Variants in COL4A2 observed in about 807,000 individuals in gnomAD.
COL4A2 encodes collagen alpha-2(IV) chain.
In COL4A2, 99 loss-of-function variants were observed where a neutral mutation model predicts 200.2. The observed-to-expected ratio is 0.49, with a 90% confidence interval of 0.42 to 0.58. COL4A2 has a LOEUF of 0.58. Among genes scored for constraint, COL4A2 ranks in the 20% least tolerant of loss-of-function variants. The probability of loss-of-function intolerance (pLI) is 0.00; values close to 1 mark genes in which losing one functional copy is unlikely to be tolerated. For synonymous variants in COL4A2, 897 were observed against 900.6 expected (o/e 1.00, Z 0.07); for missense variants, 1,950 against 2,314.1 (o/e 0.84, Z 3.23).
intron 3 of COL4A2, among the ~76,000 whole-genome samples, chr13:110,343,546 A>G (rs1228533938): frequency 6.6e-6 from 1 of 152,226 alleles, no homozygotes; most frequent in African/African-American, 2.4e-5. Context: ...CCCAGAAGCC[A>G]GGCCAGCAGG....
chr13:110,461,183 A>C (rs1254811882), intron 22 of COL4A2, among the ~76,000 whole-genome samples: 4 of 152,220 alleles, frequency 2.6e-5, no homozygotes, highest in African/African-American at 4.8e-5. Flanking sequence ...CCTTAACCTC[A>C]GTGCAGGAAA....
rs749145790 is a variant in COL4A2 at position 110,489,773 on chromosome 13, A to G, written c.3334A>G (p.Thr1112Ala). Residue 1112 changes from threonine (T) to alanine (A), a missense_variant, in exon 36 of 48, where the codon ACT (threonine) becomes GCT (alanine). Transcript: ENST00000360467. Reference protein sequence around the residue: ...RPGLKGERGTTGIPGLKGFFG... With the variant: ...RPGLKGERGTAGIPGLKGFFG... Reference sequence around the variant, plus strand: ...AGGCCTGAAGGGGGAGCGGGGCACCACTGGAATACCAGGTACGCAAGTTAT... The same window carrying G: ...AGGCCTGAAGGGGGAGCGGGGCACCGCTGGAATACCAGGTACGCAAGTTAT... The G allele has an allele frequency of 1.2e-6, 2 of 1,610,844 alleles. No homozygotes were observed. Among genetic ancestry groups the G allele is most frequent in the Non-Finnish European group, 8.5e-7 (1 of 1,178,786 alleles).
chr13:110,416,611 G>A (rs1396629761), intron 4 of COL4A2, among the ~76,000 whole-genome samples: 1 of 152,238 alleles, frequency 6.6e-6, no homozygotes, highest in Non-Finnish European at 1.5e-5. Flanking sequence ...AGGAGCAGGG[G>A]TTTTCAGACA....
At chr13:110,351,158 C>T (rs1876938856) in intron 3 of COL4A2, among the ~76,000 whole-genome samples, 1 of 152,160 alleles carries the variant, frequency 6.6e-6, no homozygotes, top group African/African-American at 2.4e-5. Flanking sequence ...AAGCCATCTT[C>T]CCACCCCAGC....
At chr13:110,405,084 C>T (rs1275204759) in intron 4 of COL4A2, among the ~76,000 whole-genome samples, 1 of 152,150 alleles carries the variant, frequency 6.6e-6, no homozygotes, top group Non-Finnish European at 1.5e-5. Flanking sequence ...CACTGCGTTC[C>T]AGCCTGGGTG....
chr13:110,392,468 A>G (rs1391228549), intron 4 of COL4A2, among the ~76,000 whole-genome samples: 1 of 152,170 alleles, frequency 6.6e-6, no homozygotes, highest in Non-Finnish European at 1.5e-5. Flanking sequence ...CAGTGGGAGG[A>G]GAGACGGTCA....
intron 29 of COL4A2, among the ~76,000 whole-genome samples, chr13:110,475,435 C>A (rs1343000302): frequency 1.3e-5 from 2 of 152,226 alleles, no homozygotes; most frequent in African/African-American, 4.8e-5. Context: ...AGCTCTTTGA[C>A]ATAAGGGTAC....
At chr13:110,366,907 A>C (rs141784455) in intron 4 of COL4A2, among the ~76,000 whole-genome samples, 55 of 152,356 alleles carry the variant, frequency 3.6e-4, no homozygotes, top group African/African-American at 1.3e-3. Context: ...CATCTCACCC[A>C]AATGAGTTCA....
chr13:110,318,387 G>A (rs916025756), intron 3 of COL4A2, among the ~76,000 whole-genome samples: 6 of 152,110 alleles, frequency 3.9e-5, no homozygotes, highest in Non-Finnish European at 8.8e-5. Flanking sequence ...GATTATTCAT[G>A]GTAAGAAAGC....
chr13:110,444,084 T>C (rs926367328), intron 16 of COL4A2, among the ~76,000 whole-genome samples: 7 of 152,348 alleles, frequency 4.6e-5, no homozygotes, highest in African/African-American at 1.7e-4. Flanking sequence ...GCTTTGGCTC[T>C]TGGGGTTCCA....
At chr13:110,430,286 G>A in intron 8 of COL4A2, 115 bp from the exon 9 acceptor site, 1 of 1,303,098 alleles carries the variant, frequency 7.7e-7, no homozygotes, top group Non-Finnish European at 1.0e-6. Flanking sequence ...AACATTACTA[G>A]GTCCTGATAG....
intron 3 of COL4A2, among the ~76,000 whole-genome samples, chr13:110,354,273 G>C (rs1383649428): frequency 1.3e-5 from 2 of 152,322 alleles, no homozygotes; most frequent in Admixed American, 6.5e-5. Flanking sequence ...CCAAGCGCCT[G>C]TTCATGCCTC....
rs977446053 is a variant in COL4A2, at chr13:110,406,680, A to G, written c.181-18054A>G. ...ATACATTAGCCGAGACGCTTTTCCT[A>G]CTACACTGCCAGAAGTTAACTTCTA... On this transcript the variant is annotated intron_variant, in intron 4 of 47. Coordinates refer to ENST00000360467, the MANE Select transcript of COL4A2 (RefSeq NM_001846.4). Among the ~76,000 whole-genome samples, 27 of 151,310 alleles carry G rather than the reference A, an allele frequency of 1.8e-4. 1 individual carries two copies. Among genetic ancestry groups the G allele is most frequent in the African/African-American group, 6.6e-4 (27 of 41,206 alleles).
At position 110,436,325 on chromosome 13, in the gene COL4A2, C is replaced by A. The variant is rs369814411; in HGVS notation, c.783C>A (p.Ile261=). ...TTCCATCAGACACCCTCCACCCCAT[C>A]ATCGCGCCCACAGGAGTCACCTTCC... is the stretch of plus-strand genomic sequence containing the variant. The part of the protein sequence containing the change: ...NGIPSDTLHP[I]IAPTGVTFHP... Residue 261 remains isoleucine, a synonymous_variant, in exon 13 of 48, where the codon ATC becomes ATA. Coordinates refer to ENST00000360467, the MANE Select transcript of COL4A2 (RefSeq NM_001846.4). 5.7e-5 allele frequency: 92 copies of A among 1,613,956 alleles called. No homozygotes were observed. The highest frequency in any genetic ancestry group is 7.6e-5 in the Non-Finnish European group (90 of 1,180,036).
chr13:110,407,934 T>C (rs1213077845), intron 4 of COL4A2, among the ~76,000 whole-genome samples: 1 of 151,934 alleles, frequency 6.6e-6, no homozygotes, highest in East Asian at 1.9e-4. Context: ...TTGGAGGAAA[T>C]GAGGTAAGAA....
At chr13:110,467,159 T>G in intron 27 of COL4A2, 63 bp downstream of exon 27, 1 of 1,599,720 alleles carries the variant, frequency 6.3e-7, no homozygotes, top group Admixed American at 1.7e-5. Flanking sequence ...CACTGCTGTG[T>G]CTCCCCCGCC....
chr13:110,342,684 A>G (rs916814864), intron 3 of COL4A2, among the ~76,000 whole-genome samples: 2 of 152,160 alleles, frequency 1.3e-5, no homozygotes, highest in African/African-American at 4.8e-5. Flanking sequence ...AGCATTCCTC[A>G]CAAGACCGCC....
chr13:110,391,107 G>A (rs1250746793), intron 4 of COL4A2, among the ~76,000 whole-genome samples: 2 of 152,182 alleles, frequency 1.3e-5, no homozygotes, highest in African/African-American at 2.4e-5. Flanking sequence ...TAGTGCTTTG[G>A]ATTCTGTGTT....
intron 4 of COL4A2, among the ~76,000 whole-genome samples, chr13:110,369,393 G>T (rs1318056672): frequency 2.0e-5 from 3 of 152,078 alleles, no homozygotes; most frequent in South Asian, 2.1e-4. Flanking sequence ...TCAGTTTAGG[G>T]TTGCTCAACC....
Sources: allele counts gnomAD v4.1 joint callset (sites outside exome capture counted in the v4.1 genomes callset), GRCh38; gene constraint gnomAD v4.1.1; transcripts MANE v1.5; gene names NCBI Gene and HGNC (gene_info 2026-07-23, HGNC 2026-07-21).